The following VPS13D variants were observed in gnomAD, a reference collection of about 807,000 sequenced individuals.
The protein encoded by VPS13D is intermembrane lipid transfer protein VPS13D.
A neutral mutation model predicts 461.9 loss-of-function variants in VPS13D; 187 were observed. That is an observed-to-expected ratio of 0.40 (90% confidence interval 0.36 to 0.46). The LOEUF (loss-of-function observed/expected upper bound fraction) is 0.46. VPS13D is among the 20% of genes least tolerant of loss of function. The probability of loss-of-function intolerance (pLI) is 0.60; values close to 1 mark genes in which losing one functional copy is unlikely to be tolerated. For missense variants in VPS13D, 4,711 were observed against 5,364.9 expected, an observed-to-expected ratio of 0.88 and a Z score of 3.81; for synonymous variants, 1,951 against 1,986.3, an observed-to-expected ratio of 0.98 and a Z score of 0.47.
chr1:12,388,605 AAAAT>A (rs1644380701), intron 60 of VPS13D, among the ~76,000 whole-genome samples: 1 of 152,078 alleles, frequency 6.6e-6, no homozygotes, highest in Non-Finnish European at 1.5e-5. Flanking sequence ...AAATCATAAA[AAAAT>A]AATCCAAGAG....
chr1:12,379,548 T>C lies in VPS13D; in HGVS notation c.11142T>C (p.Ser3714=). 3.7e-6 allele frequency: 6 copies of C among 1,613,142 alleles called. No individual in the cohort carries two copies. The highest frequency in any genetic ancestry group is 5.1e-6 in the Non-Finnish European group (6 of 1,179,634). Residue 3714 remains serine, a synonymous_variant, in exon 57 of 70, where the codon AGT becomes AGC. Transcript: ENST00000620676. ...GGCGAAGCACAACTCAGACGTGGAG[T>C]TTCCGAGAAGGAAAACTGACCTGTG... is the stretch of plus-strand genomic sequence containing the variant. ...DRRRSTTQTW[S]FREGKLTCGL...
intron 47 of VPS13D, among the ~76,000 whole-genome samples, chr1:12,354,640 G>C (rs2101600426): frequency 6.6e-6 from 1 of 152,312 alleles, no homozygotes; most frequent in East Asian, 1.9e-4. Context: ...GCTACATGAT[G>C]TATGATTGTA....
rs1425083951 is a variant in VPS13D at position 12,510,175 on chromosome 1, T to C, written c.*1151T>C. 6.6e-6 allele frequency: 1 copy of C among 152,228 alleles called. No homozygotes were observed. Among genetic ancestry groups the C allele is most frequent in the African/African-American group, 2.4e-5 (1 of 41,456 alleles). The allele number at this position is 152,228 out of a possible 1,614,324, so 9.4% of individuals were successfully genotyped here. On this transcript the variant is annotated 3_prime_UTR_variant, in exon 70 of 70. Transcript: ENST00000620676. ...AACCAAGATTTGACAAAGGCATCTC[T>C]TATCCTTGGTTTTAAATTCCTGCTG...
intron 27 of VPS13D, among the ~76,000 whole-genome samples, chr1:12,308,937 G>A (rs536120529): frequency 1.3e-5 from 2 of 152,178 alleles, no homozygotes; most frequent in South Asian, 4.2e-4. Flanking sequence ...GAGCCACCAT[G>A]CCCAGCCAAT....
intron 67 of VPS13D, among the ~76,000 whole-genome samples, chr1:12,476,909 T>C (rs1463762912): frequency 2.6e-5 from 4 of 152,142 alleles, no homozygotes; most frequent in African/African-American, 4.8e-5. Context: ...TCCGAGAGTA[T>C]ATTTACAGTT....
chr1:12,316,908 C>T (rs1278532006), intron 30 of VPS13D, among the ~76,000 whole-genome samples: 2 of 152,110 alleles, frequency 1.3e-5, no homozygotes, highest in Non-Finnish European at 2.9e-5. Flanking sequence ...GGATGAAGCC[C>T]CTGACTGCAT....
chr1:12,404,300 C>T (rs967883419), intron 63 of VPS13D, among the ~76,000 whole-genome samples: 1 of 152,098 alleles, frequency 6.6e-6, no homozygotes, highest in South Asian at 2.1e-4. Flanking sequence ...GAGATAAAAG[C>T]CTTTTTCCTA....
intron 68 of VPS13D, among the ~76,000 whole-genome samples, chr1:12,503,798 G>A: frequency 6.6e-6 from 1 of 152,178 alleles, no homozygotes; most frequent in East Asian, 1.9e-4. Flanking sequence ...CCAAAAGCAG[G>A]CCTTGCGGGA....
chr1:12,276,795 C>A lies in VPS13D; in HGVS notation c.3207C>A (p.Asp1069Glu). The A allele has an allele frequency of 6.2e-7, 1 of 1,614,140 alleles. No homozygotes were observed. The highest frequency in any genetic ancestry group is 2.2e-5 in the East Asian group (1 of 44,880). The change falls in exon 19 of 70, where the codon GAC becomes GAA. Residue 1069 changes from aspartate to glutamate, a missense_variant. By Grantham distance (45) the Asp-to-Glu change is conservative. Around this residue, in one of 3 missense-constraint regions of VPS13D, gnomAD observed 4,411 missense variants for 4,937.8 expected, o/e 0.89. Coordinates refer to ENST00000620676, the MANE Select transcript of VPS13D (RefSeq NM_015378.4). This position sits in a 1 kb window ranked among gnomAD's most constrained non-coding sequence, Gnocchi z 4.5. ...NDRSATSVSLDKILTKEQESL... is the reference protein window; with the variant it reads ...NDRSATSVSLEKILTKEQESL... Reference sequence around the variant, plus strand: ...GATCAGCTACTAGTGTTTCACTTGACAAAATTCTTACCAAAGAGCAAGAGT... The same window carrying A: ...GATCAGCTACTAGTGTTTCACTTGAAAAAATTCTTACCAAAGAGCAAGAGT...
intron 47 of VPS13D, 48 bp from the exon 48 acceptor site, chr1:12,355,851 T>G (rs750131666): frequency 6.9e-7 from 1 of 1,452,650 alleles, no homozygotes; most frequent in Admixed American, 2.5e-5. Context: ...TGAGCTATTT[T>G]GACAAATAGT....
intron 24 of VPS13D, among the ~76,000 whole-genome samples, chr1:12,295,028 C>T (rs2101439641): frequency 6.6e-6 from 1 of 151,986 alleles, no homozygotes; most frequent in East Asian, 1.9e-4. Context: ...TCGTGACCAG[C>T]CTGGGCAACA....
At position 12,376,469 on chromosome 1, in the gene VPS13D, C is replaced by T. The variant is rs114911631; in HGVS notation, c.10918-1959C>T. On this transcript the variant is annotated intron_variant, in intron 55 of 69. Coordinates refer to ENST00000620676, the MANE Select transcript of VPS13D (RefSeq NM_015378.4). ...ACAACAAACATTTATTGAGGCTCTA[C>T]CCTGTGCCAGGCATGTACTAATAAG... is the stretch of plus-strand genomic sequence containing the variant. Among the ~76,000 whole-genome samples the T allele has an allele frequency of 8.9e-3, 1,360 of 152,296 alleles. 19 individuals are homozygous for T. Among genetic ancestry groups the T allele is most frequent in the African/African-American group, 0.028 (1,146 of 41,550 alleles).
intron 66 of VPS13D, 127 bp from the exon 67 acceptor site, chr1:12,460,074 G>A: frequency 1.3e-6 from 1 of 777,172 alleles, no homozygotes; most frequent in Non-Finnish European, 1.9e-6. Context: ...TGGCCTGTCT[G>A]TGGCCTCTCT....
chr1:12,332,265 A>G (rs1342061474), intron 37 of VPS13D, among the ~76,000 whole-genome samples: 1 of 152,252 alleles, frequency 6.6e-6, no homozygotes, highest in Non-Finnish European at 1.5e-5. Context: ...TGCTTATAGT[A>G]TAGTATTCCA....
chr1:12,361,395 A>ATTTTT lies in VPS13D; in HGVS notation c.10142-1322_10142-1321insTTTTT, dbSNP rs796776170. 3.1e-4 allele frequency among the ~76,000 whole-genome samples: 41 copies of ATTTTT among 133,372 alleles called. 3 individuals carry two copies. The highest frequency in any genetic ancestry group is 1.3e-3 in the African/African-American group (35 of 27,958). 87.5% of individuals were successfully genotyped at this position (133,372 alleles called of 152,430 possible). A position where few individuals can be genotyped will look rare whatever the true frequency, so the allele number is the denominator to read the frequency against. On this transcript the variant is annotated intron_variant, in intron 50 of 69. Transcript: ENST00000620676. Reference sequence around the variant, plus strand: ...TTTTTATTTATTTATTTATTTATTTATTTATTTATTTTTTTTTTGAGACGG... The same window carrying ATTTTT: ...TTTTTATTTATTTATTTATTTATTTATTTTTTTTATTTATTTTTTTTTTGAGACGG...
At chr1:12,322,128 C>T (rs773079297) in intron 33 of VPS13D, among the ~76,000 whole-genome samples, 164 bp downstream of exon 33, 7 of 152,030 alleles carry the variant, frequency 4.6e-5, no homozygotes, top group Non-Finnish European at 1.5e-5. Context: ...TGCAGTGGTG[C>T]GATCTCGGCT....
At position 12,253,738 on chromosome 1, in the gene VPS13D, G is replaced by A; in HGVS notation, c.581G>A (p.Arg194Gln). The change falls in exon 7 of 70, where the codon CGG (arginine) becomes CAG (glutamine). Residue 194 changes from arginine (R) to glutamine (Q), a missense_variant. Physicochemically the swap from Arg to Gln is conservative, Grantham distance 43 (BLOSUM62 1). Transcript: ENST00000620676. ...AVNEPVQKLM[R>Q]KKQLDVAEFS... ...TTACCTCAGGTACAGAAACTAATGC[G>A]GAAAAAGCAATTAGACGTAGCAGAA... 1 of 1,613,856 alleles carries A rather than the reference G, an allele frequency of 6.2e-7. No homozygotes were observed. The highest frequency in any genetic ancestry group is 8.5e-7 in the Non-Finnish European group (1 of 1,179,856).
intron 17 of VPS13D, among the ~76,000 whole-genome samples, chr1:12,272,364 A>G (rs749788309): frequency 1.3e-4 from 19 of 151,000 alleles, no homozygotes; most frequent in Non-Finnish European, 2.1e-4. Flanking sequence ...GTAGTATGGG[A>G]TGGAGAATTA....
chr1:12,503,160 C>A (rs1462701858), intron 68 of VPS13D, among the ~76,000 whole-genome samples: 1 of 152,134 alleles, frequency 6.6e-6, no homozygotes, highest in Non-Finnish European at 1.5e-5. Context: ...AGTGATGGTG[C>A]ATTCTACTAA....
Sources: allele counts gnomAD v4.1 joint callset (sites outside exome capture counted in the v4.1 genomes callset), GRCh38; gene constraint gnomAD v4.1.1; regional missense constraint gnomAD v4.1.1; non-coding constraint Gnocchi (gnomAD v3.1); transcripts MANE v1.5; gene names NCBI Gene and HGNC (gene_info 2026-07-23, HGNC 2026-07-21).